The following POLR3B variants were observed in gnomAD, a reference collection of about 807,000 sequenced individuals.
POLR3B encodes the protein RNA polymerase III subunit B.
A neutral mutation model predicts 147.4 loss-of-function variants in POLR3B; 96 were observed. The ratio of observed to expected loss-of-function variants is 0.65; its 90% CI spans 0.55 to 0.77. POLR3B has a LOEUF of 0.77. POLR3B is among the 30% of genes least tolerant of loss of function. POLR3B has a pLI of 0.00. For missense variants in POLR3B, 1,036 were observed against 1,413.5 expected (o/e 0.73, Z 4.28); for synonymous variants, 461 against 485.9 (o/e 0.95, Z 0.67).
intron 18 of POLR3B, among the ~76,000 whole-genome samples, chr12:106,439,335 C>T (rs1202161388): frequency 6.6e-6 from 1 of 152,192 alleles, no homozygotes; most frequent in African/African-American, 2.4e-5. Flanking sequence ...TATGATTGTG[C>T]CACTGCACTC....
rs749479456 is a variant in POLR3B at position 106,376,432 on chromosome 12, G to A, written c.478G>A (p.Glu160Lys). The A allele has an allele frequency of 3.7e-6, 6 of 1,611,598 alleles. No individual in the cohort carries two copies. The highest frequency in any genetic ancestry group is 5.1e-6 in the Non-Finnish European group (6 of 1,178,118). ...GCCAGCAGAATTTGCCAAACTGAAC[G>A]AATGTCCCTTAGATCCAGGTATGTG... is the stretch of plus-strand genomic sequence containing the variant. ...KTPAEFAKLN[E>K]CPLDPGGYFI... is the part of the protein sequence containing the mutation. Residue 160 changes from glutamate to lysine, a missense_variant, in exon 7 of 28, where the codon GAA becomes AAA. Coordinates refer to ENST00000228347, the MANE Select transcript of POLR3B (RefSeq NM_018082.6).
At chr12:106,366,821 G>C in intron 4 of POLR3B, 99 bp downstream of exon 4, 1 of 1,020,756 alleles carries the variant, frequency 9.8e-7, no homozygotes, top group Non-Finnish European at 1.5e-6. Context: ...TCATTGTCTT[G>C]GCCAGGCTCG....
intron 9 of POLR3B, chr12:106,381,975 C>T (rs2036769595): frequency 6.6e-6 from 1 of 152,252 alleles, no homozygotes; most frequent in Non-Finnish European, 1.5e-5. Flanking sequence ...CACTTGTAAA[C>T]TGTCACTGCG....
At chr12:106,400,795 A>AT (rs2037053559) in intron 10 of POLR3B, among the ~76,000 whole-genome samples, 1 of 152,224 alleles carries the variant, frequency 6.6e-6, no homozygotes, top group African/African-American at 2.4e-5. Context: ...AAGACACAAC[A>AT]TACCAGAATC....
chr12:106,486,287 CAAAAAAAA>C (rs1195017160), intron 23 of POLR3B, among the ~76,000 whole-genome samples: 362 of 28,254 alleles, frequency 0.013, 5 homozygotes, highest in Middle Eastern at 0.036. Flanking sequence ...GACTCCGTCT[CAAAAAAAA>C]AAAAAAAAAA....
At chr12:106,433,586 T>C (rs1237288205) in intron 15 of POLR3B, 133 bp from the exon 16 acceptor site, 3 of 669,478 alleles carry the variant, frequency 4.5e-6, no homozygotes, top group South Asian at 1.9e-5. Flanking sequence ...CCTTGTGGAC[T>C]GGCTGCAGGT....
At chr12:106,405,744 T>C (rs1223237131) in intron 10 of POLR3B, 113 bp from the exon 11 acceptor site, 2 of 1,013,714 alleles carry the variant, frequency 2.0e-6, no homozygotes, top group Non-Finnish European at 3.1e-6. Flanking sequence ...AGTACAGCTT[T>C]CTCTATAACC....
intron 23 of POLR3B, among the ~76,000 whole-genome samples, chr12:106,465,627 G>C (rs1203269320): frequency 6.6e-6 from 1 of 152,074 alleles, no homozygotes; most frequent in Non-Finnish European, 1.5e-5. Context: ...TCCCACCCCA[G>C]GCAGGCCTCG....
intron 18 of POLR3B, among the ~76,000 whole-genome samples, chr12:106,442,173 T>G (rs1437364683): frequency 2.6e-5 from 4 of 151,978 alleles, no homozygotes; most frequent in African/African-American, 9.7e-5. Context: ...TTTTTTTTTT[T>G]GTAAAGTCAG....
At position 106,437,792 on chromosome 12, in the gene POLR3B, C is replaced by T. The variant is rs752459720; in HGVS notation, c.1955+13C>T. ...ACACAATTAATAAGTAAGTAGGATC[C>T]ATAGCAACCATAATTAAAACGTGTT... is the stretch of plus-strand genomic sequence containing the variant. On this transcript the variant is annotated intron_variant, in intron 18 of 27. Coordinates refer to ENST00000228347, the MANE Select transcript of POLR3B (RefSeq NM_018082.6). The T allele has an allele frequency of 1.4e-6, 2 of 1,383,344 alleles. No individual in the cohort carries two copies. The highest frequency in any genetic ancestry group is 2.1e-6 in the Non-Finnish European group (2 of 970,230). 85.7% of individuals were successfully genotyped at this position (1,383,344 alleles called of 1,614,324 possible).
At chr12:106,431,330 A>G (rs2137002928) in intron 14 of POLR3B, among the ~76,000 whole-genome samples, 1 of 152,336 alleles carries the variant, frequency 6.6e-6, no homozygotes. Flanking sequence ...CATAATTTAT[A>G]TATCTTGAAC....
At position 106,496,757 on chromosome 12, in the gene POLR3B, G is replaced by A. The variant is rs757733299; in HGVS notation, c.2823G>A (p.Gly941=). 2 of 1,614,006 alleles carry A rather than the reference G, an allele frequency of 1.2e-6. No individual in the cohort carries two copies. The highest frequency in any genetic ancestry group is 8.5e-7 in the Non-Finnish European group (1 of 1,180,012). ...PHGFPSRMTV[G]KLIELLAGKA... ...AATTTGTTCACATCCTGCAGGTGGG[G>A]AAGCTCATTGAGCTGCTGGCTGGCA... Residue 941 remains glycine, a synonymous_variant, in exon 25 of 28, where the codon GGG becomes GGA. Coordinates refer to ENST00000228347, the MANE Select transcript of POLR3B (RefSeq NM_018082.6).
intron 12 of POLR3B, among the ~76,000 whole-genome samples, chr12:106,424,069 T>C (rs2037405492): frequency 1.3e-5 from 2 of 152,106 alleles, no homozygotes; most frequent in Non-Finnish European, 1.5e-5. Context: ...GTTGCGAGGC[T>C]GGTCTCAAAC....
chr12:106,479,413 C>T (rs2038230661), intron 23 of POLR3B, among the ~76,000 whole-genome samples: 1 of 149,416 alleles, frequency 6.7e-6, no homozygotes, highest in Non-Finnish European at 1.5e-5. Context: ...CAGAGTCTTG[C>T]TGTGTCGCCC....
At chr12:106,458,790 G>C (rs941377218) in intron 21 of POLR3B, among the ~76,000 whole-genome samples, 2 of 152,112 alleles carry the variant, frequency 1.3e-5, no homozygotes, top group African/African-American at 4.8e-5. Context: ...GAACTTACCA[G>C]GAAGAGATAC....
intron 9 of POLR3B, among the ~76,000 whole-genome samples, chr12:106,386,287 G>A (rs2036836044): frequency 6.6e-6 from 1 of 151,330 alleles, no homozygotes; most frequent in South Asian, 2.1e-4. Flanking sequence ...AGGTTGCAGT[G>A]AGGCGAAATC....
intron 10 of POLR3B, among the ~76,000 whole-genome samples, chr12:106,396,224 A>T (rs2036977005): frequency 6.6e-6 from 1 of 152,206 alleles, no homozygotes. Flanking sequence ...TCACAAGGAA[A>T]CTAGAAGGCC....
At chr12:106,496,192 C>G (rs778262006) in intron 24 of POLR3B, 34 bp downstream of exon 24, 2 of 1,266,114 alleles carry the variant, frequency 1.6e-6, no homozygotes, top group Non-Finnish European at 2.3e-6. Context: ...GAGGCATTGC[C>G]TTTAAGGAAG....
chr12:106,432,738 G>A (rs543786715), intron 15 of POLR3B, among the ~76,000 whole-genome samples: 128 of 152,294 alleles, frequency 8.4e-4, no homozygotes, highest in Non-Finnish European at 1.5e-3. Flanking sequence ...TTTTGCAGTT[G>A]CTGGCATATC....
Sources: gnomAD v4.1 joint callset for allele counts (sites outside exome capture counted in the v4.1 genomes callset) on GRCh38, gnomAD v4.1.1 for gene constraint, MANE v1.5 for transcripts, NCBI Gene and HGNC (gene_info 2026-07-23, HGNC 2026-07-21) for gene names.